PRDM16: variants seen among roughly 807,000 people sequenced by gnomAD.
PRDM16 encodes the protein PR/SET domain 16.
PRDM16 carries 23 observed loss-of-function variants against 110.6 expected under a neutral mutation model. The observed-to-expected ratio is 0.21, with a 90% CI of 0.15 to 0.29. The LOEUF is 0.29. PRDM16 is among the 10% of genes least tolerant of loss of function. The pLI, the probability that PRDM16 is intolerant of heterozygous loss-of-function variation, is 1.00. For missense variants in PRDM16, 1,615 were observed against 1,794.3 expected, an observed-to-expected ratio of 0.90 and a Z score of 1.81; for synonymous variants, 799 against 781.8, an observed-to-expected ratio of 1.02 and a Z score of -0.37.
intron 3 of PRDM16, among the ~76,000 whole-genome samples, chr1:3,362,295 G>A (rs1432748105): frequency 1.3e-5 from 2 of 151,976 alleles, no homozygotes; most frequent in Non-Finnish European, 2.9e-5. Flanking sequence ...ATGCATAGCG[G>A]GCACGTGGTG....
Position 3,425,428 on chromosome 1 carries a change from G to C in PRDM16, c.2940-153G>C. On this transcript the variant is annotated intron_variant, in intron 12 of 16. Coordinates refer to ENST00000270722, the MANE Select transcript of PRDM16 (RefSeq NM_022114.4). The surrounding 1 kb of genome is among the most constrained non-coding windows in gnomAD (Gnocchi z 6.9). The stretch of plus-strand genomic sequence containing the variant: ...TCCCCAGGATGCCTTTGGCTCTGCA[G>C]CTGGGAGATCCAGCAACCTCCGGGA... 1 of 758,070 alleles carries C rather than the reference G, an allele frequency of 1.3e-6. No individual in the cohort carries two copies. The highest frequency in any genetic ancestry group is 2.1e-6 in the Non-Finnish European group (1 of 481,894). 47.0% of individuals were successfully genotyped at this position (758,070 alleles called of 1,614,324 possible).
intron 1 of PRDM16, among the ~76,000 whole-genome samples, chr1:3,117,780 C>T (rs962970078): frequency 6.6e-6 from 1 of 152,100 alleles, no homozygotes; most frequent in African/African-American, 2.4e-5. Flanking sequence ...CGATCAGGTG[C>T]TGGCTCTCCA....
Position 3,360,596 on chromosome 1 carries a change from C to T in PRDM16, c.439-24556C>T, listed in dbSNP as rs992251727. On this transcript the variant is annotated intron_variant, in intron 3 of 16. Coordinates refer to ENST00000270722, the MANE Select transcript of PRDM16 (RefSeq NM_022114.4). ...CACTGCCCTTACATCCAGAGACCCC[C>T]GCTCACAGCAGAGGAGGAGGGCCAT... Among the ~76,000 whole-genome samples the T allele has an allele frequency of 4.6e-5, 7 of 152,282 alleles. No homozygotes were observed. In the East Asian group the frequency reaches 5.8e-4, roughly 13 times the overall value.
chr1:3,195,520 T>C (rs1360048855), intron 2 of PRDM16, among the ~76,000 whole-genome samples: 1 of 152,208 alleles, frequency 6.6e-6, no homozygotes, highest in East Asian at 1.9e-4. Flanking sequence ...TTTCTTTTCA[T>C]ATTCGAGAGA....
At chr1:3,202,115 C>T (rs1638643499) in intron 2 of PRDM16, among the ~76,000 whole-genome samples, 1 of 152,154 alleles carries the variant, frequency 6.6e-6, no homozygotes, top group Admixed American at 6.5e-5. Flanking sequence ...TCCTTGGAGA[C>T]ACCCCCGAAG....
At position 3,436,890 on chromosome 1, in the gene PRDM16, T is replaced by C. The variant is rs983427872; in HGVS notation, c.*3079T>C. The C allele has an allele frequency of 1.7e-5, 4 of 232,752 alleles. No homozygotes were observed. Among genetic ancestry groups the C allele is most frequent in the African/African-American group, 8.8e-5 (4 of 45,260 alleles). 14.4% of individuals were successfully genotyped at this position (232,752 alleles called of 1,614,324 possible). A position where few individuals can be genotyped will look rare whatever the true frequency, so the allele number is the denominator to read the frequency against. ...CAAATGCTGCCCCAATGCTAACTCC[T>C]TGGATTGTCAACCCCCATCCCCCAA... is the stretch of plus-strand genomic sequence containing the variant. On this transcript the variant is annotated 3_prime_UTR_variant, in exon 17 of 17. Transcript: ENST00000270722.
chr1:3,385,189 A>T lies in PRDM16; in HGVS notation c.476A>T (p.Asp159Val), dbSNP rs1202036077. The T allele has an allele frequency of 6.2e-7, 1 of 1,613,728 alleles. No individual in the cohort carries two copies. The highest frequency in any genetic ancestry group is 1.7e-5 in the Admixed American group (1 of 60,032). ...CTGGGCAGTGAGAAGTTCTGCGTGG[A>T]TGCAAATCAGGCGGGGGCTGGCAGC... ...EDLGSEKFCVDANQAGAGSWL... is the reference protein window; with the variant it reads ...EDLGSEKFCVVANQAGAGSWL... Residue 159 changes from aspartate to valine, a missense_variant, in exon 4 of 17, where the codon GAT becomes GTT. By Grantham distance (152) the Asp-to-Val change is radical. Coordinates refer to ENST00000270722, the MANE Select transcript of PRDM16 (RefSeq NM_022114.4).
At chr1:3,351,246 C>A (rs1362640692) in intron 3 of PRDM16, among the ~76,000 whole-genome samples, 1 of 152,144 alleles carries the variant, frequency 6.6e-6, no homozygotes, top group Non-Finnish European at 1.5e-5. Flanking sequence ...ACAGGGTGTC[C>A]CTCCCGGTCC....
intron 3 of PRDM16, among the ~76,000 whole-genome samples, chr1:3,344,977 A>AG (rs1333924160): frequency 3.9e-5 from 6 of 152,144 alleles, no homozygotes; most frequent in African/African-American, 1.4e-4. Context: ...CAGGGGTTTG[A>AG]GGGGTGTATA....
chr1:3,436,100 C>G lies in PRDM16; in HGVS notation c.*2289C>G, dbSNP rs1638902349. 4.3e-6 allele frequency: 1 copy of G among 230,738 alleles called. No individual in the cohort carries two copies. Among genetic ancestry groups the G allele is most frequent in the Non-Finnish European group, 8.6e-6 (1 of 116,548 alleles). The allele number at this position is 230,738 out of a possible 1,614,324, so 14.3% of individuals were successfully genotyped here. ...GTAGGAATTTCCAGTTTCCCTTGAT[C>G]TAGATGGGATTCTTATAAAAATTCA... On this transcript the variant is annotated 3_prime_UTR_variant, in exon 17 of 17. Transcript: ENST00000270722.
intron 1 of PRDM16, among the ~76,000 whole-genome samples, chr1:3,113,801 G>A (rs1424287009): frequency 6.6e-6 from 1 of 152,246 alleles, no homozygotes. Context: ...CTGGCAGGGA[G>A]GCCCAGACTC....
chr1:3,180,862 A>T (rs941866821), intron 1 of PRDM16, among the ~76,000 whole-genome samples: 6 of 148,224 alleles, frequency 4.0e-5, no homozygotes, highest in Non-Finnish European at 8.9e-5. Flanking sequence ...AGTCTTACGC[A>T]CGGCCTTACA....
chr1:3,313,316 G>C (rs139878619), intron 3 of PRDM16, among the ~76,000 whole-genome samples: 2 of 152,200 alleles, frequency 1.3e-5, no homozygotes, highest in Admixed American at 6.5e-5. Context: ...AGCGCCGAGC[G>C]GTGAGTCAGA....
chr1:3,081,419 G>A lies in PRDM16; in HGVS notation c.37+12123G>A, dbSNP rs955402284. Among the ~76,000 whole-genome samples the A allele has an allele frequency of 5.3e-5, 8 of 152,324 alleles. No homozygotes were observed. Among genetic ancestry groups the A allele is most frequent in the Non-Finnish European group, 8.8e-5 (6 of 68,022 alleles). Reference sequence around the variant, plus strand: ...GAGGCCCATTCCTGCAGCCTGGCCCGGCCGGCCCCTGGAGAGCCCCCTCCT... The same window carrying A: ...GAGGCCCATTCCTGCAGCCTGGCCCAGCCGGCCCCTGGAGAGCCCCCTCCT... On this transcript the variant is annotated intron_variant, in intron 1 of 16. Coordinates refer to ENST00000270722, the MANE Select transcript of PRDM16 (RefSeq NM_022114.4). This position sits in a 1 kb window ranked among gnomAD's most constrained non-coding sequence, Gnocchi z 4.6.
chr1:3,330,153 T>C (rs1259675976), intron 3 of PRDM16, among the ~76,000 whole-genome samples: 1 of 152,144 alleles, frequency 6.6e-6, no homozygotes, highest in Admixed American at 6.5e-5. Context: ...TCAAATCAAA[T>C]GGTGGAGTTT....
At position 3,246,628 on chromosome 1, in the gene PRDM16, A is replaced by T. The variant is rs567266071; in HGVS notation, c.438+2491A>T. Reference sequence around the variant, plus strand: ...TCAGGCACAGCTCCACCAGAGGGGGAGGCTGCCACACAGCACTGCCTGGGC... The same window carrying T: ...TCAGGCACAGCTCCACCAGAGGGGGTGGCTGCCACACAGCACTGCCTGGGC... On this transcript the variant is annotated intron_variant, in intron 3 of 16. Transcript: ENST00000270722. This position sits in a 1 kb window ranked among gnomAD's most constrained non-coding sequence, Gnocchi z 5.2. Among the ~76,000 whole-genome samples the T allele has an allele frequency of 1.3e-4, 20 of 152,234 alleles. 1 individual carries two copies. The South Asian group carries it at 4.1e-3, about 32-fold the overall frequency.
At chr1:3,334,538 C>T (rs1040759574) in intron 3 of PRDM16, among the ~76,000 whole-genome samples, 2 of 152,236 alleles carry the variant, frequency 1.3e-5, no homozygotes, top group African/African-American at 4.8e-5. Flanking sequence ...ATCAACTCCT[C>T]TTGTGGGGAG....
At chr1:3,426,358 C>A (rs1451718819) in intron 14 of PRDM16, 133 bp downstream of exon 14, 6 of 664,988 alleles carry the variant, frequency 9.0e-6, no homozygotes, top group Non-Finnish European at 1.5e-5. Flanking sequence ...GGGGGCCTCA[C>A]CACAGAGGGT....
At chr1:3,330,595 T>C (rs182059782) in intron 3 of PRDM16, among the ~76,000 whole-genome samples, 154 of 152,298 alleles carry the variant, frequency 1.0e-3, no homozygotes, top group African/African-American at 3.5e-3. Flanking sequence ...TTTCTAATCC[T>C]GGGGTCTCAG....
Sources: gnomAD v4.1 joint callset for allele counts (sites outside exome capture counted in the v4.1 genomes callset) on GRCh38, gnomAD v4.1.1 for gene constraint, Gnocchi (gnomAD v3.1) non-coding constraint, MANE v1.5 for transcripts, NCBI Gene and HGNC (gene_info 2026-07-23, HGNC 2026-07-21) for gene names.